Variants in GFRA2 observed in about 807,000 individuals in gnomAD.
GFRA2 encodes GDNF family receptor alpha-2.
GFRA2 carries 17 observed loss-of-function variants against 48.3 expected under a neutral mutation model. The observed-to-expected ratio is 0.35, with a 90% CI of 0.24 to 0.53. The LOEUF is 0.53. GFRA2 is among the 20% of genes least tolerant of loss of function. The pLI is 0.93. For synonymous variants in GFRA2, 305 were observed against 257.2 expected, an observed-to-expected ratio of 1.19 and a Z score of -1.78; for missense variants, 660 against 637.3, an observed-to-expected ratio of 1.04 and a Z score of -0.38.
intron 2 of GFRA2, among the ~76,000 whole-genome samples, chr8:21,802,740 G>A (rs986031768): frequency 2.0e-5 from 3 of 152,274 alleles, no homozygotes; most frequent in Admixed American, 1.3e-4. Flanking sequence ...AATAATGTTT[G>A]GAAGCTATGG....
Position 21,788,207 on chromosome 8 carries a change from A to C in GFRA2, c.-48T>G. 6.3e-7 allele frequency: 1 copy of C among 1,594,040 alleles called. No homozygotes were observed. Among genetic ancestry groups the C allele is most frequent in the Non-Finnish European group, 8.5e-7 (1 of 1,171,478 alleles). ...TTTGTCTTTCTCCCTTGGGTAAAAA[A>C]AAATAATAGTAGTAACAACAACAAT... On this transcript the variant is annotated 5_prime_UTR_variant, in exon 1 of 9. Coordinates refer to ENST00000524240, the MANE Select transcript of GFRA2 (RefSeq NM_001495.5).
At chr8:21,747,851 T>C (rs1310502757) in intron 4 of GFRA2, among the ~76,000 whole-genome samples, 4 of 148,952 alleles carry the variant, frequency 2.7e-5, no homozygotes, top group Non-Finnish European at 4.5e-5. Context: ...CACATACACA[T>C]GCACACATGC....
upstream of GFRA2, among the ~76,000 whole-genome samples, chr8:21,793,516 A>G (rs2117104349): frequency 6.6e-6 from 1 of 152,296 alleles, no homozygotes; most frequent in Admixed American, 6.5e-5. Context: ...ATAATAATTA[A>G]AGTAGCCAAA....
In GFRA2 at chr8:21,704,977, G is replaced by C. The variant is rs201312294; in HGVS notation, c.1045+8C>G. ...CTGCTGGGGTTGGGGAGAACATCCA[G>C]AACTTACGGAGGCATGGGTTCTCGG... On this transcript the variant is annotated splice_region_variant and intron_variant, in intron 6 of 8. Coordinates refer to ENST00000524240, the MANE Select transcript of GFRA2 (RefSeq NM_001495.5). 8.1e-6 allele frequency: 13 copies of C among 1,606,720 alleles called. No individual in the cohort carries two copies. In the African/African-American group the frequency reaches 1.5e-4, roughly 18 times the overall value.
At chr8:21,736,860 T>G (rs1804488909) in intron 4 of GFRA2, among the ~76,000 whole-genome samples, 1 of 139,428 alleles carries the variant, frequency 7.2e-6, no homozygotes, top group Non-Finnish European at 1.5e-5. Flanking sequence ...GAATTTCATT[T>G]TGAGAATTAG....
At chr8:21,767,657 C>T (rs1460150390) in intron 3 of GFRA2, among the ~76,000 whole-genome samples, 1 of 152,242 alleles carries the variant, frequency 6.6e-6, no homozygotes, top group Non-Finnish European at 1.5e-5. Context: ...GCAGAGCCTG[C>T]CTCACACACG....
chr8:21,787,281 G>A (rs992335717), intron 1 of GFRA2, among the ~76,000 whole-genome samples: 1 of 149,768 alleles, frequency 6.7e-6, no homozygotes, highest in Admixed American at 6.6e-5. Flanking sequence ...GCAGTGGGGG[G>A]GGTTTGCAGA....
upstream of GFRA2, chr8:21,788,918 C>T: frequency 6.1e-6 from 3 of 490,550 alleles, no homozygotes; most frequent in South Asian, 2.5e-4. Flanking sequence ...ACTCTCCCTG[C>T]TCCTCCCTCC....
At chr8:21,712,655 C>A (rs1427775461) in intron 4 of GFRA2, among the ~76,000 whole-genome samples, 2 of 152,016 alleles carry the variant, frequency 1.3e-5, no homozygotes, top group Admixed American at 1.3e-4. Flanking sequence ...CCAAGGCAGG[C>A]GGCTGGGAGG....
At chr8:21,696,470 G>A (rs1802180741) in intron 7 of GFRA2, among the ~76,000 whole-genome samples, 1 of 152,140 alleles carries the variant, frequency 6.6e-6, no homozygotes, top group African/African-American at 2.4e-5. Context: ...CGACAAGAAG[G>A]GCCCCAGGGT....
chr8:21,773,491 G>A (rs999454816), intron 3 of GFRA2, among the ~76,000 whole-genome samples: 64 of 152,322 alleles, frequency 4.2e-4, no homozygotes, highest in African/African-American at 1.4e-3. Context: ...CTCCTAGAGC[G>A]TGCTTTCTCC....
At chr8:21,782,188 G>T (rs1231512933) in intron 2 of GFRA2, among the ~76,000 whole-genome samples, 1 of 151,960 alleles carries the variant, frequency 6.6e-6, no homozygotes, top group Non-Finnish European at 1.5e-5. Flanking sequence ...TTCTCCATCT[G>T]CCTGGTCACT....
chr8:21,705,506 G>A (rs1336936609), intron 5 of GFRA2, among the ~76,000 whole-genome samples: 15 of 152,158 alleles, frequency 9.9e-5, no homozygotes, highest in Admixed American at 7.9e-4. Context: ...ATTTATGAGC[G>A]AGGTGAGACT....
chr8:21,785,456 G>C (rs1807223927), intron 1 of GFRA2, among the ~76,000 whole-genome samples: 1 of 152,230 alleles, frequency 6.6e-6, no homozygotes, highest in Non-Finnish European at 1.5e-5. Flanking sequence ...CTTTAGCTAA[G>C]AATCCTAAGA....
chr8:21,711,818 G>A (rs1348667176), intron 4 of GFRA2, among the ~76,000 whole-genome samples: 1 of 152,034 alleles, frequency 6.6e-6, no homozygotes, highest in Non-Finnish European at 1.5e-5. Flanking sequence ...CCTAGGCAGA[G>A]GACCCTGCGG....
intron 3 of GFRA2, among the ~76,000 whole-genome samples, chr8:21,754,435 T>C (rs1805453017): frequency 6.6e-6 from 1 of 151,570 alleles, no homozygotes; most frequent in Admixed American, 6.6e-5. Context: ...ACCTGAAACT[T>C]GGGGGATGAT....
In GFRA2 at chr8:21,750,777, T is replaced by C; in HGVS notation, c.605A>G (p.Lys202Arg). ...CCGGTCGAAGAACTGGCGCAGGGCC[T>C]TGTGGCACTTGCGGCGGTTGCAGCG... ...TERCNRRKCH[K>R]ALRQFFDRVP... The change falls in exon 4 of 9, where the codon AAG becomes AGG. Residue 202 changes from lysine to arginine, a missense_variant. Lys to Arg is a conservative substitution (Grantham distance 26). Transcript: ENST00000524240. The surrounding 1 kb of genome is among the most constrained non-coding windows in gnomAD (Gnocchi z 5.7). 6.2e-7 allele frequency: 1 copy of C among 1,613,932 alleles called. No individual in the cohort carries two copies. Among genetic ancestry groups the C allele is most frequent in the Non-Finnish European group, 8.5e-7 (1 of 1,179,872 alleles).
chr8:21,757,052 A>G (rs6587005), intron 3 of GFRA2, among the ~76,000 whole-genome samples: 152,143 of 152,318 alleles, frequency 1, 75,985 homozygotes, highest in Middle Eastern at 1. Flanking sequence ...CCCAACCTCC[A>G]GCTCCTGGCC....
At chr8:21,749,220 C>T (rs1485803751) in intron 4 of GFRA2, among the ~76,000 whole-genome samples, 1 of 151,510 alleles carries the variant, frequency 6.6e-6, no homozygotes. Flanking sequence ...CCATGCACCA[C>T]CACCCGCCCC....
Sources: gnomAD v4.1 joint callset for allele counts (sites outside exome capture counted in the v4.1 genomes callset) on GRCh38, gnomAD v4.1.1 for gene constraint, Gnocchi (gnomAD v3.1) non-coding constraint, MANE v1.5 for transcripts, NCBI Gene and HGNC (gene_info 2026-07-23, HGNC 2026-07-21) for gene names.